SDK1: variants seen among roughly 807,000 people sequenced by gnomAD.
SDK1 encodes sidekick cell adhesion molecule 1, also known as protein sidekick-1.
A neutral mutation model predicts 245.5 loss-of-function variants in SDK1; 157 were observed. The observed-to-expected ratio is 0.64, with a 90% CI of 0.56 to 0.73. The LOEUF (loss-of-function observed/expected upper bound fraction) is 0.73, where lower values mean the gene tolerates loss of function less well. Among genes scored for constraint, SDK1 ranks in the 30% least tolerant of loss-of-function variants. The pLI, the probability that SDK1 is intolerant of heterozygous loss-of-function variation, is 0.00. For synonymous variants in SDK1, 1,647 were observed against 1,278.5 expected (o/e 1.29, Z -6.15); for missense variants, 3,583 against 3,002.3 (o/e 1.19, Z -4.52).
intron 32 of SDK1, among the ~76,000 whole-genome samples, chr7:4,173,251 C>T (rs547720848): frequency 6.6e-6 from 1 of 152,334 alleles, no homozygotes; most frequent in South Asian, 2.1e-4. Context: ...AGACCAGATG[C>T]TCGGAGGCTC....
intron 4 of SDK1, among the ~76,000 whole-genome samples, chr7:3,696,640 A>C (rs943787263): frequency 2.0e-5 from 3 of 151,512 alleles, no homozygotes; most frequent in Admixed American, 6.6e-5. Flanking sequence ...AGCAGCAATA[A>C]TTGTATCTTA....
chr7:3,792,658 C>G (rs1214058155), intron 4 of SDK1, among the ~76,000 whole-genome samples: 1 of 151,646 alleles, frequency 6.6e-6, no homozygotes, highest in African/African-American at 2.4e-5. Context: ...GTCCATCCAT[C>G]CATCTAACTA....
At chr7:3,804,371 G>C (rs571273689) in intron 4 of SDK1, among the ~76,000 whole-genome samples, 1 of 152,078 alleles carries the variant, frequency 6.6e-6, no homozygotes, top group African/African-American at 2.4e-5. Context: ...ATTGGTTTTT[G>C]CCCTTTGTAA....
intron 4 of SDK1, among the ~76,000 whole-genome samples, chr7:3,655,489 A>G (rs933058851): frequency 0.013 from 767 of 59,530 alleles, 67 homozygotes; most frequent in African/African-American, 0.033. Flanking sequence ...ATATATATAT[A>G]TATATATATA....
At chr7:3,702,531 T>G (rs1246607137) in intron 4 of SDK1, among the ~76,000 whole-genome samples, 1 of 152,206 alleles carries the variant, frequency 6.6e-6, no homozygotes, top group Admixed American at 6.5e-5. Context: ...TCTCACCTGC[T>G]TAGTCTTCTG....
intron 1 of SDK1, among the ~76,000 whole-genome samples, chr7:3,352,641 T>G (rs746506689): frequency 6.6e-6 from 1 of 152,212 alleles, no homozygotes; most frequent in Non-Finnish European, 1.5e-5. Context: ...GAGCCACTCA[T>G]GGGCTGTCAC....
intron 22 of SDK1, among the ~76,000 whole-genome samples, chr7:4,094,597 G>T (rs949199453): frequency 1.3e-5 from 2 of 152,230 alleles, no homozygotes; most frequent in African/African-American, 4.8e-5. Flanking sequence ...CTCATGGCAG[G>T]TGGCCATGCC....
intron 17 of SDK1, among the ~76,000 whole-genome samples, chr7:4,021,346 G>C (rs558421783): frequency 1.3e-5 from 2 of 152,186 alleles, no homozygotes; most frequent in South Asian, 2.1e-4. Context: ...CTATGGACAC[G>C]AGGGTTGTGA....
chr7:3,785,394 G>A (rs1327346863), intron 4 of SDK1, among the ~76,000 whole-genome samples: 4 of 152,062 alleles, frequency 2.6e-5, no homozygotes, highest in South Asian at 4.2e-4. Context: ...ATATGTTAAC[G>A]AGATTGATTT....
intron 4 of SDK1, among the ~76,000 whole-genome samples, chr7:3,663,495 G>C (rs796961725): frequency 3.2e-4 from 48 of 152,320 alleles, no homozygotes; most frequent in African/African-American, 1.1e-3. Flanking sequence ...TGTCCGCTTA[G>C]AGGTTTGTTC....
chr7:3,505,979 A>G (rs961245167), intron 1 of SDK1, among the ~76,000 whole-genome samples: 10 of 152,170 alleles, frequency 6.6e-5, no homozygotes, highest in African/African-American at 2.2e-4. Flanking sequence ...TCTACAATAC[A>G]TTTTTATTTT....
At chr7:4,059,475 C>A (rs958877803) in intron 19 of SDK1, among the ~76,000 whole-genome samples, 7 of 152,176 alleles carry the variant, frequency 4.6e-5, no homozygotes, top group African/African-American at 1.4e-4. Flanking sequence ...CAGGGAGAGA[C>A]AGCAATACAA....
chr7:3,593,026 G>A (rs1230472376), intron 1 of SDK1, among the ~76,000 whole-genome samples: 1 of 152,190 alleles, frequency 6.6e-6, no homozygotes, highest in Non-Finnish European at 1.5e-5. Flanking sequence ...TGGACAAAAC[G>A]AGTGTTGCAA....
At chr7:3,548,093 T>A (rs2128622272) in intron 1 of SDK1, among the ~76,000 whole-genome samples, 1 of 152,270 alleles carries the variant, frequency 6.6e-6, no homozygotes, top group South Asian at 2.1e-4. Flanking sequence ...GTAAAACACA[T>A]ACTATGTACT....
intron 43 of SDK1, among the ~76,000 whole-genome samples, chr7:4,242,509 G>A (rs1330627854): frequency 6.6e-6 from 1 of 152,070 alleles, no homozygotes; most frequent in Non-Finnish European, 1.5e-5. Context: ...TTTTTGATGT[G>A]CAGAGCGCCA....
intron 4 of SDK1, among the ~76,000 whole-genome samples, chr7:3,723,591 ATGT>A (rs1778891583): frequency 6.6e-6 from 1 of 152,124 alleles, no homozygotes; most frequent in South Asian, 2.1e-4. Flanking sequence ...ATTAAAGTAT[ATGT>A]TGTTTTCTTT....
intron 1 of SDK1, among the ~76,000 whole-genome samples, chr7:3,320,186 G>A (rs191079551): frequency 2.6e-5 from 4 of 151,876 alleles, no homozygotes; most frequent in East Asian, 1.9e-4. Context: ...CCTTCCCACC[G>A]CACACATGCG....
At chr7:4,096,699 C>T (rs1782169431) in intron 22 of SDK1, among the ~76,000 whole-genome samples, 1 of 152,050 alleles carries the variant, frequency 6.6e-6, no homozygotes. Context: ...GACCTCCTTC[C>T]CCAGAGGGAG....
At chr7:4,135,616 G>A (rs997279217) in intron 28 of SDK1, among the ~76,000 whole-genome samples, 29 of 152,242 alleles carry the variant, frequency 1.9e-4, no homozygotes, top group African/African-American at 6.8e-4. Context: ...TCAGATCTCA[G>A]CCTATGCTTA....
Sources: gnomAD v4.1 joint callset for allele counts (sites outside exome capture counted in the v4.1 genomes callset) on GRCh38, gnomAD v4.1.1 for gene constraint, MANE v1.5 for transcripts, NCBI Gene and HGNC (gene_info 2026-07-23, HGNC 2026-07-21) for gene names.